ANO4: variants seen among roughly 807,000 people sequenced by gnomAD.
The protein encoded by ANO4 is anoctamin-4.
Under a neutral mutation model 141.9 loss-of-function variants are expected in ANO4, and 69 were observed. The observed-to-expected ratio is 0.49, with a 90% CI of 0.40 to 0.59. ANO4 has a LOEUF of 0.59. Ranked by LOEUF, ANO4 falls within the 20% of genes least tolerant of loss-of-function variation. The pLI, the probability that ANO4 is intolerant of heterozygous loss-of-function variation, is 0.00. For synonymous variants in ANO4, 350 were observed against 394.3 expected (o/e 0.89, Z 1.33); for missense variants, 894 against 1,162.2 (o/e 0.77, Z 3.36).
At chr12:100,857,145 G>A (rs1311775596) in intron 1 of ANO4, among the ~76,000 whole-genome samples, 1 of 152,112 alleles carries the variant, frequency 6.6e-6, no homozygotes, top group African/African-American at 2.4e-5. Context: ...AGAACATCCA[G>A]GGACATTTGG....
chr12:100,726,959 G>A (rs575308725), intron 1 of ANO4, among the ~76,000 whole-genome samples: 1 of 129,524 alleles, frequency 7.7e-6, no homozygotes, highest in African/African-American at 2.8e-5. Flanking sequence ...GTTGCCCCGG[G>A]ACCCCCCCCG....
At chr12:100,932,857 C>T (rs752327732) in intron 3 of ANO4, among the ~76,000 whole-genome samples, 2 of 152,114 alleles carry the variant, frequency 1.3e-5, no homozygotes, top group African/African-American at 2.4e-5. Flanking sequence ...CCTTGATCCT[C>T]GTTGTTCAGT....
At chr12:101,069,527 CAT>C (rs767217600) in intron 14 of ANO4, among the ~76,000 whole-genome samples, 1 of 152,186 alleles carries the variant, frequency 6.6e-6, no homozygotes, top group Non-Finnish European at 1.5e-5. Context: ...ATGTAGGAGA[CAT>C]ATGCCTTCTG....
chr12:100,831,156 G>T (rs1251508111), intron 1 of ANO4, among the ~76,000 whole-genome samples: 1 of 152,052 alleles, frequency 6.6e-6, no homozygotes, highest in East Asian at 1.9e-4. Flanking sequence ...ATTTAAAATT[G>T]TCAGGCTGTA....
At chr12:101,086,080 CTG>C (rs56891905) in intron 16 of ANO4, among the ~76,000 whole-genome samples, 18,393 of 131,490 alleles carry the variant, frequency 0.14, 1,265 homozygotes, top group Middle Eastern at 0.23. Context: ...GTTAACTAGG[CTG>C]TGTGTGTGTG....
chr12:101,034,863 C>G, intron 9 of ANO4, among the ~76,000 whole-genome samples: 1 of 152,238 alleles, frequency 6.6e-6, no homozygotes, highest in Non-Finnish European at 1.5e-5. Context: ...GATGAGATAT[C>G]ACAACACACC....
At chr12:100,739,437 T>C (rs746674846) in intron 2 of ANO4, among the ~76,000 whole-genome samples, 3 of 152,182 alleles carry the variant, frequency 2.0e-5, no homozygotes, top group Non-Finnish European at 4.4e-5. Context: ...AAGTTCTGCC[T>C]CTGGAACTTG....
chr12:100,931,316 A>G (rs77127370), intron 3 of ANO4, among the ~76,000 whole-genome samples: 5,315 of 152,284 alleles, frequency 0.035, 133 homozygotes, highest in Non-Finnish European at 0.05. Context: ...GAGCTGTCAG[A>G]CTACAGATGT....
intron 8 of ANO4, among the ~76,000 whole-genome samples, chr12:100,998,695 G>A (rs1457936077): frequency 6.6e-6 from 1 of 152,106 alleles, no homozygotes; most frequent in Non-Finnish European, 1.5e-5. Flanking sequence ...AGCCATGATT[G>A]TATGGCCACC....
chr12:100,926,187 T>C (rs1383828766), intron 3 of ANO4, among the ~76,000 whole-genome samples: 2 of 152,134 alleles, frequency 1.3e-5, no homozygotes, highest in Non-Finnish European at 2.9e-5. Flanking sequence ...TTTAAAGTTG[T>C]ATTATATTTT....
intron 7 of ANO4, among the ~76,000 whole-genome samples, chr12:100,978,098 C>T (rs1255488267): frequency 6.6e-6 from 1 of 152,240 alleles, no homozygotes; most frequent in Non-Finnish European, 1.5e-5. Context: ...CCCCATCACC[C>T]TGTGCTGTAA....
chr12:100,888,336 A>G (rs2039939629), intron 1 of ANO4, among the ~76,000 whole-genome samples: 1 of 152,206 alleles, frequency 6.6e-6, no homozygotes, highest in Non-Finnish European at 1.5e-5. Flanking sequence ...GATGTTACAA[A>G]GGAGAGGCTG....
chr12:101,054,552 T>C (rs995416247), intron 14 of ANO4, among the ~76,000 whole-genome samples: 7 of 152,328 alleles, frequency 4.6e-5, no homozygotes, highest in Admixed American at 3.9e-4. Context: ...CAGGCTGGAG[T>C]GCAGTGGCAC....
chr12:100,778,730 C>G (rs2033617451), intron 3 of ANO4, among the ~76,000 whole-genome samples: 1 of 152,196 alleles, frequency 6.6e-6, no homozygotes, highest in Non-Finnish European at 1.5e-5. Flanking sequence ...GTCAGCACAG[C>G]TATGTATCCT....
Position 100,808,594 on chromosome 12 carries a change from A to G in ANO4, c.-141+13567A>G, listed in dbSNP as rs761421091. ...GTTAATGTTTTAAGATATTCTTCCT[A>G]TATATTTTGGCACGTATTTTTTAAA... On this transcript the variant is annotated intron_variant, in intron 1 of 27. Transcript: ENST00000392977. 9.9e-5 allele frequency among the ~76,000 whole-genome samples: 15 copies of G among 152,196 alleles called. No individual in the cohort carries two copies. In the South Asian group the frequency reaches 1.9e-3, roughly 19 times the overall value.
chr12:100,717,511 A>G (rs1593220786), upstream of ANO4: 42 of 398,972 alleles, frequency 1.1e-4, no homozygotes, highest in East Asian at 1.5e-3. Context: ...CAGTCTGGGC[A>G]GGACGCGGGC....
chr12:100,766,886 G>T (rs575054020), intron 3 of ANO4, among the ~76,000 whole-genome samples: 2 of 152,076 alleles, frequency 1.3e-5, no homozygotes, highest in African/African-American at 2.4e-5. Context: ...ATATATTTAG[G>T]TGCTAAGCAC....
intron 14 of ANO4, among the ~76,000 whole-genome samples, chr12:101,050,525 G>T (rs11832278): frequency 1.3e-5 from 2 of 152,046 alleles, no homozygotes; most frequent in Non-Finnish European, 2.9e-5. Context: ...ACCGTGATTC[G>T]GATAAGCCAT....
intron 1 of ANO4, among the ~76,000 whole-genome samples, chr12:100,835,132 T>G (rs1236285232): frequency 1.3e-5 from 2 of 152,086 alleles, no homozygotes; most frequent in African/African-American, 2.4e-5. Context: ...GCACCAAAAT[T>G]AGGCAGAGGG....
Sources: allele counts gnomAD v4.1 joint callset (sites outside exome capture counted in the v4.1 genomes callset), GRCh38; gene constraint gnomAD v4.1.1; transcripts MANE v1.5; gene names NCBI Gene and HGNC (gene_info 2026-07-23, HGNC 2026-07-21).